Variants in LHFPL7 observed in about 807,000 individuals in gnomAD.
LHFPL7 encodes the protein LHFPL tetraspan subfamily member 7 protein.
the LHFPL7 span, among the ~76,000 whole-genome samples, chr22:24,945,202 C>G: frequency 6.6e-6 from 1 of 152,150 alleles, no homozygotes. Context: ...CGTGCCTAGC[C>G]TGGCTTTTCA....
At chr22:24,940,134 G>A in the LHFPL7 span, among the ~76,000 whole-genome samples, 7 of 149,342 alleles carry the variant, frequency 4.7e-5, no homozygotes, top group Non-Finnish European at 7.4e-5. Context: ...CACCGTGTTA[G>A]CCAGGATGAT....
At chr22:24,939,967 G>A in the LHFPL7 span, among the ~76,000 whole-genome samples, 40 of 115,276 alleles carry the variant, frequency 3.5e-4, no homozygotes, top group African/African-American at 1.3e-3. Context: ...TTGCTCTGTC[G>A]CCCAGGCTGG....
At chr22:24,942,583 AC>A in the LHFPL7 span, among the ~76,000 whole-genome samples, 1 of 152,174 alleles carries the variant, frequency 6.6e-6, no homozygotes, top group African/African-American at 2.4e-5. Flanking sequence ...CACCCACTAA[AC>A]ATGGCAGGAA....
chr22:24,935,613 GA>G, the LHFPL7 span: 1 of 1,602,668 alleles, frequency 6.2e-7, no homozygotes, highest in South Asian at 1.1e-5. Context: ...TAGCAGGAAG[GA>G]AAGACAATGT....
the LHFPL7 span, among the ~76,000 whole-genome samples, chr22:24,938,702 A>G: frequency 1.3e-5 from 2 of 152,178 alleles, no homozygotes; most frequent in Non-Finnish European, 2.9e-5. Context: ...CCCTTATAAC[A>G]ATCAATTTTG....
chr22:24,942,366 G>A, the LHFPL7 span, among the ~76,000 whole-genome samples: 5 of 152,204 alleles, frequency 3.3e-5, no homozygotes, highest in Non-Finnish European at 7.3e-5. Context: ...ATGGTTTCAC[G>A]GCATGGCTGA....
chr22:24,944,271 G>T, the LHFPL7 span, among the ~76,000 whole-genome samples: 1 of 152,136 alleles, frequency 6.6e-6, no homozygotes, highest in East Asian at 1.9e-4. Flanking sequence ...AAGTCAATAT[G>T]TAATATGTTA....
At chr22:24,941,944 C>T in the LHFPL7 span, among the ~76,000 whole-genome samples, 72 of 149,784 alleles carry the variant, frequency 4.8e-4, no homozygotes, top group African/African-American at 1.8e-3. Context: ...GGATTACACG[C>T]GTGAGCCACT....
chr22:24,937,246 T>C, the LHFPL7 span, among the ~76,000 whole-genome samples: 3 of 152,210 alleles, frequency 2.0e-5, no homozygotes, highest in East Asian at 3.8e-4. Flanking sequence ...GGCAGTGATA[T>C]CTGAGCAGAG....
the LHFPL7 span, among the ~76,000 whole-genome samples, chr22:24,945,673 G>C: frequency 0.031 from 4,703 of 152,288 alleles, 242 homozygotes; most frequent in African/African-American, 0.11. Flanking sequence ...ATACAGGCTT[G>C]AGTACAGACA....
At chr22:24,935,260 G>T in the LHFPL7 span, 27 of 1,535,188 alleles carry the variant, frequency 1.8e-5, no homozygotes, top group Admixed American at 4.8e-4. Flanking sequence ...AGCAGAGATG[G>T]GATTTGAAGT....
chr22:24,939,924 C>CTTTTTTTTTTT, the LHFPL7 span, among the ~76,000 whole-genome samples: 59 of 86,982 alleles, frequency 6.8e-4, no homozygotes, highest in African/African-American at 2.3e-3. Context: ...TCATTTATCG[C>CTTTTTTTTTTT]TTTTTTTTTT....
At chr22:24,935,340 T>C in the LHFPL7 span, 1 of 1,612,406 alleles carries the variant, frequency 6.2e-7, no homozygotes, top group Non-Finnish European at 8.5e-7. Flanking sequence ...TTTTTATTTG[T>C]TCATTTCTGG....
At chr22:24,940,586 A>C in the LHFPL7 span, among the ~76,000 whole-genome samples, 2 of 144,704 alleles carry the variant, frequency 1.4e-5, no homozygotes, top group Non-Finnish European at 1.5e-5. Context: ...ACAGAGCGAG[A>C]CTCCGTCTCA....
the LHFPL7 span, among the ~76,000 whole-genome samples, chr22:24,946,346 A>G: frequency 1.3e-5 from 2 of 151,962 alleles, no homozygotes; most frequent in Admixed American, 6.6e-5. Flanking sequence ...CCAGAAAACA[A>G]AACTATGGAT....
chr22:24,936,050 C>T, the LHFPL7 span, among the ~76,000 whole-genome samples: 2 of 151,898 alleles, frequency 1.3e-5, no homozygotes, highest in Non-Finnish European at 2.9e-5. Context: ...TTGCAATTCC[C>T]TAACCCACCC....
the LHFPL7 span, among the ~76,000 whole-genome samples, chr22:24,941,824 G>A: frequency 4.2e-4 from 63 of 150,794 alleles, no homozygotes; most frequent in African/African-American, 1.5e-3. Context: ...AAGCCATCAC[G>A]CCCAGCTAAT....
chr22:24,935,256 G>A, the LHFPL7 span: 45 of 1,530,508 alleles, frequency 2.9e-5, no homozygotes, highest in Non-Finnish European at 3.9e-5. Context: ...AAGGAGCAGA[G>A]ATGGGATTTG....
chr22:24,937,204 C>T, the LHFPL7 span, among the ~76,000 whole-genome samples: 9 of 152,078 alleles, frequency 5.9e-5, no homozygotes, highest in Non-Finnish European at 5.9e-5. Flanking sequence ...AGGGAAGATC[C>T]CTTAGCTAGA....
Sources: gnomAD v4.1 joint callset for allele counts (sites outside exome capture counted in the v4.1 genomes callset) on GRCh38, gnomAD v4.1.1 for gene constraint, MANE v1.5 for transcripts, NCBI Gene and HGNC (gene_info 2026-07-23, HGNC 2026-07-21) for gene names.